The following ASIC2 variants were observed in gnomAD, a reference collection of about 807,000 sequenced individuals.
The protein encoded by ASIC2 is acid sensing ion channel subunit 2, also known as acid-sensing ion channel 2.
A neutral mutation model predicts 57.3 loss-of-function variants in ASIC2; 25 were observed. The observed-to-expected ratio is 0.44, with a 90% CI of 0.32 to 0.61. The LOEUF (loss-of-function observed/expected upper bound fraction) is 0.61, where lower values mean the gene tolerates loss of function less well. ASIC2 is among the 20% of genes least tolerant of loss of function. The pLI is 0.06. For synonymous variants in ASIC2, 319 were observed against 307.5 expected, an observed-to-expected ratio of 1.04 and a Z score of -0.39; for missense variants, 641 against 738.1, an observed-to-expected ratio of 0.87 and a Z score of 1.52.
chr17:33,196,935 C>T (rs1906654508), intron 1 of ASIC2, among the ~76,000 whole-genome samples: 1 of 152,228 alleles, frequency 6.6e-6, no homozygotes, highest in South Asian at 2.1e-4. Flanking sequence ...TGTCTGTCCC[C>T]TCCAGGGACA....
At chr17:34,025,973 G>T (rs373322449) in intron 1 of ASIC2, among the ~76,000 whole-genome samples, 10 of 152,194 alleles carry the variant, frequency 6.6e-5, no homozygotes, top group Non-Finnish European at 1.3e-4. Context: ...CACATCTCAG[G>T]CTCCTTTTTC....
intron 1 of ASIC2, among the ~76,000 whole-genome samples, chr17:33,645,504 A>G (rs560784923): frequency 1.1e-4 from 16 of 152,304 alleles, no homozygotes; most frequent in African/African-American, 3.4e-4. Context: ...AGTCCCAGAC[A>G]AGCTTGCAAA....
chr17:33,871,396 A>T (rs1269269896), intron 1 of ASIC2, among the ~76,000 whole-genome samples: 1 of 152,092 alleles, frequency 6.6e-6, no homozygotes, highest in Non-Finnish European at 1.5e-5. Context: ...GCACTGCCAC[A>T]CCCTCCAGCT....
chr17:33,791,212 C>A (rs1056473532), intron 1 of ASIC2, among the ~76,000 whole-genome samples: 8 of 152,286 alleles, frequency 5.3e-5, no homozygotes, highest in African/African-American at 1.9e-4. Context: ...TGGAAGCCTT[C>A]TTGTGGGTGA....
intron 1 of ASIC2, among the ~76,000 whole-genome samples, chr17:33,741,501 A>G (rs1187550880): frequency 1.3e-5 from 2 of 152,178 alleles, no homozygotes; most frequent in Non-Finnish European, 2.9e-5. Context: ...GCAGAAGTCA[A>G]TGGAGGCAGA....
At chr17:33,625,887 G>A (rs1905968199) in intron 1 of ASIC2, among the ~76,000 whole-genome samples, 1 of 152,154 alleles carries the variant, frequency 6.6e-6, no homozygotes, top group Admixed American at 6.6e-5. Flanking sequence ...AGGTGCAGGT[G>A]GAAAGGTATT....
At chr17:34,086,550 T>A (rs980373558) in intron 1 of ASIC2, among the ~76,000 whole-genome samples, 3 of 152,154 alleles carry the variant, frequency 2.0e-5, no homozygotes, top group East Asian at 1.9e-4. Context: ...AGATGTCTAT[T>A]AGGTCCGCTT....
chr17:33,021,689 C>A (rs1322068367), intron 6 of ASIC2, among the ~76,000 whole-genome samples: 1 of 152,246 alleles, frequency 6.6e-6, no homozygotes. Context: ...GTGCCTGCTC[C>A]AGCTGACCTC....
chr17:33,014,586 G>C (rs1297090221), intron 9 of ASIC2, among the ~76,000 whole-genome samples: 2 of 152,062 alleles, frequency 1.3e-5, no homozygotes, highest in Non-Finnish European at 2.9e-5. Context: ...TGTAGTTGTG[G>C]GTCCCTAAGC....
At chr17:33,522,131 C>T (rs902684805) in intron 1 of ASIC2, among the ~76,000 whole-genome samples, 8 of 152,162 alleles carry the variant, frequency 5.3e-5, no homozygotes, top group Non-Finnish European at 1.2e-4. Context: ...TTGTCAGTCC[C>T]CCCACTCCTT....
rs77421632 is a variant in ASIC2, at chr17:33,481,546, C to T, written c.556-369479G>A. 1.8e-3 allele frequency among the ~76,000 whole-genome samples: 267 copies of T among 152,282 alleles called. 5 individuals are homozygous for T. The East Asian group carries it at 0.037, about 21-fold the overall frequency. On this transcript the variant is annotated intron_variant, in intron 1 of 9. Transcript: ENST00000359872. ...CAAGAAAGAGTCCACAAATCTTTGT[C>T]CTTGCTGTGTCCCCAGTGCCTAAAA...
chr17:33,028,343 C>T lies in ASIC2; in HGVS notation c.1037G>A (p.Gly346Asp). Reference sequence around the variant, plus strand: ...GCTGTAAACAGGAAAAAAGTCGAGGCCCATCTCTGAGGATCGGCACTCACC... The same window carrying T: ...GCTGTAAACAGGAAAAAAGTCGAGGTCCATCTCTGAGGATCGGCACTCACC... ...PWGECRSSEM[G>D]LDFFPVYSIT... Residue 346 changes from glycine to aspartate, a missense_variant, in exon 4 of 10, where the codon GGC becomes GAC. By Grantham distance (94) the Gly-to-Asp change is moderately conservative. Coordinates refer to ENST00000225823, the MANE Select transcript of ASIC2 (RefSeq NM_183377.2). 2 of 1,614,114 alleles carry T rather than the reference C, an allele frequency of 1.2e-6. No individual in the cohort carries two copies. The highest frequency in any genetic ancestry group is 1.7e-6 in the Non-Finnish European group (2 of 1,180,038).
rs555474903 is a variant in ASIC2, at chr17:33,168,706, G to C, written c.709-56639C>G. ...AATATCTAAGCAGCAAAGCATTCAG[G>C]CTGCTGTGTGGCTACTTTTAACCAC... On this transcript the variant is annotated intron_variant, in intron 1 of 9. Coordinates refer to ENST00000225823, the MANE Select transcript of ASIC2 (RefSeq NM_183377.2). Among the ~76,000 whole-genome samples the C allele has an allele frequency of 4.4e-4, 67 of 152,276 alleles. 1 individual carries two copies. Among genetic ancestry groups the C allele is most frequent in the Middle Eastern group, 3.4e-3 (1 of 292 alleles).
chr17:33,276,192 A>G (rs1186208896), intron 1 of ASIC2, among the ~76,000 whole-genome samples: 1 of 151,916 alleles, frequency 6.6e-6, no homozygotes, highest in Non-Finnish European at 1.5e-5. Context: ...AAATGTATGC[A>G]TTAGTAAATG....
At chr17:33,065,237 C>T (rs2346393) in intron 3 of ASIC2, among the ~76,000 whole-genome samples, 138,503 of 152,060 alleles carry the variant, frequency 0.91, 63,120 homozygotes, top group East Asian at 0.96. Context: ...AGTGCAGTGG[C>T]ACAGTCATAG....
At chr17:33,572,507 AT>A (rs1916483517) in intron 1 of ASIC2, among the ~76,000 whole-genome samples, 2 of 152,168 alleles carry the variant, frequency 1.3e-5, no homozygotes, top group Admixed American at 1.3e-4. Context: ...TTCCCCAAGC[AT>A]GGCAAGGAAA....
At chr17:33,516,407 AGTGTGT>A (rs113344287) in intron 1 of ASIC2, among the ~76,000 whole-genome samples, 21 of 148,236 alleles carry the variant, frequency 1.4e-4, no homozygotes, top group Admixed American at 1.2e-3. Flanking sequence ...TGTGAGTGTG[AGTGTGT>A]GTGTGTGTGT....
intron 1 of ASIC2, among the ~76,000 whole-genome samples, chr17:34,085,366 A>C (rs1225291511): frequency 6.6e-6 from 1 of 152,174 alleles, no homozygotes; most frequent in African/African-American, 2.4e-5. Flanking sequence ...ATTGAACCAG[A>C]CTTGCATCCC....
intron 1 of ASIC2, among the ~76,000 whole-genome samples, chr17:33,128,659 T>A (rs192286209): frequency 6.6e-6 from 1 of 152,190 alleles, no homozygotes; most frequent in Non-Finnish European, 1.5e-5. Flanking sequence ...AGAATTTGTA[T>A]CCCCATTGGA....
Sources: gnomAD v4.1 joint callset for allele counts (sites outside exome capture counted in the v4.1 genomes callset) on GRCh38, gnomAD v4.1.1 for gene constraint, MANE v1.5 for transcripts, NCBI Gene and HGNC (gene_info 2026-07-23, HGNC 2026-07-21) for gene names.